ZFP1: variants seen among roughly 807,000 people sequenced by gnomAD.
ZFP1 encodes the protein zinc finger protein 1 homolog.
A neutral mutation model predicts 38.5 loss-of-function variants in ZFP1; 32 were observed. That is an observed-to-expected ratio of 0.83 (90% CI 0.63 to 1.12). The LOEUF is 1.12. ZFP1 is among the 50% of genes most tolerant of loss of function. The pLI, the probability that ZFP1 is intolerant of heterozygous loss-of-function variation, is 0.00. For missense variants in ZFP1, 616 were observed against 480.8 expected (o/e 1.28, Z -2.63); for synonymous variants, 245 against 168.8 (o/e 1.45, Z -3.50).
the ZFP1 span, among the ~76,000 whole-genome samples, chr16:75,135,260 C>CCAACTGTA: frequency 7.7e-6 from 1 of 130,122 alleles, no homozygotes; most frequent in Non-Finnish European, 1.6e-5. Context: ...AGAGATCCTT[C>CCAACTGTA]ACTCATTCAT....
chr16:75,132,603 G>T, the ZFP1 span: 1 of 150,886 alleles, frequency 6.6e-6, no homozygotes, highest in Non-Finnish European at 1.5e-5. Flanking sequence ...TTGCTATGGA[G>T]CATTCAAAAT....
At chr16:75,150,233 G>A (rs974187994) in intron 1 of ZFP1, among the ~76,000 whole-genome samples, 1 of 134,732 alleles carries the variant, frequency 7.4e-6, no homozygotes, top group South Asian at 2.3e-4. Context: ...TTTTGAGACA[G>A]AGTCTCGCTC....
At chr16:75,160,227 A>G (rs1321939419) in intron 2 of ZFP1, among the ~76,000 whole-genome samples, 1 of 152,180 alleles carries the variant, frequency 6.6e-6, no homozygotes, top group African/African-American at 2.4e-5. Flanking sequence ...TAGGTAATTT[A>G]TAAAGAACAG....
rs892600955 is a variant in ZFP1, at chr16:75,164,199, C to A, written c.16-2571C>A. Among the ~76,000 whole-genome samples the A allele has an allele frequency of 3.3e-5, 5 of 152,036 alleles. No individual in the cohort carries two copies. The East Asian group carries it at 9.6e-4, about 29-fold the overall frequency. ...AGTTTGTGTTGTTTTTAAAATTTGC[C>A]TCTTGTAAAAATTATATGTAGGTTT... On this transcript the variant is annotated intron_variant, in intron 2 of 3. Transcript: ENST00000570010.
chr16:75,156,137 A>G (rs938489651), intron 2 of ZFP1, among the ~76,000 whole-genome samples: 3 of 152,212 alleles, frequency 2.0e-5, no homozygotes, highest in Admixed American at 1.3e-4. Context: ...TTAGCAGTGT[A>G]AAGCAGCTGT....
chr16:75,158,631 AT>A (rs34686066), intron 2 of ZFP1, among the ~76,000 whole-genome samples: 65,586 of 141,946 alleles, frequency 0.46, 15,014 homozygotes, highest in East Asian at 0.71. Context: ...TTTATTTGTG[AT>A]TTTTTTTTTT....
rs1438059140 is a variant in ZFP1 at position 75,170,882 on chromosome 16, T to A, written c.*548T>A. 1.5e-5 allele frequency: 2 copies of A among 136,954 alleles called. No individual in the cohort carries two copies. The highest frequency in any genetic ancestry group is 5.2e-5 in the African/African-American group (2 of 38,144). 8.5% of individuals were successfully genotyped at this position (136,954 alleles called of 1,614,324 possible). A position where few individuals can be genotyped will look rare whatever the true frequency, so the allele number is the denominator to read the frequency against. ...TAAAGTAGCATGGAACCTACGTCTTTCCCTACTGCTTGCTGGCATATATCA... is the reference window on the plus strand; with the variant it reads ...TAAAGTAGCATGGAACCTACGTCTTACCCTACTGCTTGCTGGCATATATCA... On this transcript the variant is annotated 3_prime_UTR_variant, in exon 4 of 4. Transcript: ENST00000570010.
chr16:75,153,086 T>A, intron 2 of ZFP1, 120 bp downstream of exon 2: 2 of 1,332,838 alleles, frequency 1.5e-6, no homozygotes, highest in Non-Finnish European at 2.1e-6. Flanking sequence ...CAAGAATAAC[T>A]AATCAATACC....
intron 2 of ZFP1, among the ~76,000 whole-genome samples, chr16:75,163,067 G>A (rs868384169): frequency 6.6e-6 from 1 of 151,770 alleles, no homozygotes; most frequent in South Asian, 2.1e-4. Flanking sequence ...CCACCACCAC[G>A]TCCGGCTAAT....
At chr16:75,146,162 ATTT>A (rs201868781), upstream of ZFP1, among the ~76,000 whole-genome samples, 5 of 141,686 alleles carry the variant, frequency 3.5e-5, no homozygotes, top group African/African-American at 5.2e-5. Context: ...AACCATGCTA[ATTT>A]TTTTTTTTTT....
chr16:75,135,227 A>AAAAAAAAC, the ZFP1 span, among the ~76,000 whole-genome samples: 1 of 148,366 alleles, frequency 6.7e-6, no homozygotes, highest in African/African-American at 2.6e-5. Flanking sequence ...AAAAAAAAAA[A>AAAAAAAAC]AAAAAACCAC....
At chr16:75,121,958 C>G in the ZFP1 span, among the ~76,000 whole-genome samples, 1 of 152,160 alleles carries the variant, frequency 6.6e-6, no homozygotes, top group Admixed American at 6.5e-5. Context: ...TATAAGGTGT[C>G]AAAATTTCTC....
the ZFP1 span, among the ~76,000 whole-genome samples, chr16:75,123,609 C>T: frequency 6.7e-6 from 1 of 149,930 alleles, no homozygotes; most frequent in Non-Finnish European, 1.5e-5. Context: ...TCCCAAGTAG[C>T]TGGGACTACA....
At chr16:75,137,118 A>G in the ZFP1 span, among the ~76,000 whole-genome samples, 7 of 152,220 alleles carry the variant, frequency 4.6e-5, no homozygotes, top group South Asian at 1.4e-3. Context: ...AATATATGAG[A>G]TGGCCCTGGA....
At chr16:75,133,125 A>ACC in the ZFP1 span, among the ~76,000 whole-genome samples, 1 of 150,394 alleles carries the variant, frequency 6.6e-6, no homozygotes, top group Non-Finnish European at 1.5e-5. Context: ...TTACAGGTGC[A>ACC]TGCCACCACG....
At chr16:75,153,641 T>G (rs1011715676) in intron 2 of ZFP1, among the ~76,000 whole-genome samples, 1 of 152,140 alleles carries the variant, frequency 6.6e-6, no homozygotes, top group Non-Finnish European at 1.5e-5. Context: ...ACCCCCAGTT[T>G]CCTTTATTAT....
chr16:75,163,092 T>TAGAG (rs2037868409), intron 2 of ZFP1, among the ~76,000 whole-genome samples: 1 of 151,778 alleles, frequency 6.6e-6, no homozygotes, highest in Non-Finnish European at 1.5e-5. Flanking sequence ...GTATTTTTAG[T>TAGAG]AGAGACGGGG....
At chr16:75,145,812 A>G (rs374480220), upstream of ZFP1, among the ~76,000 whole-genome samples, 2 of 152,284 alleles carry the variant, frequency 1.3e-5, no homozygotes, top group East Asian at 3.9e-4. Flanking sequence ...CTTCAAGTCC[A>G]TGTGACCTGA....
chr16:75,160,632 C>A (rs570439248), intron 2 of ZFP1, among the ~76,000 whole-genome samples: 1 of 139,560 alleles, frequency 7.2e-6, no homozygotes, highest in Non-Finnish European at 1.5e-5. Context: ...GCACTCCAAT[C>A]TGGGTGACAA....
Sources: allele counts gnomAD v4.1 joint callset (sites outside exome capture counted in the v4.1 genomes callset), GRCh38; gene constraint gnomAD v4.1.1; transcripts MANE v1.5; gene names NCBI Gene and HGNC (gene_info 2026-07-23, HGNC 2026-07-21).